Variants in JAKMIP2 observed in about 807,000 individuals in gnomAD.
The protein encoded by JAKMIP2 is janus kinase and microtubule-interacting protein 2.
JAKMIP2 carries 25 observed loss-of-function variants against 115.0 expected under a neutral mutation model. The ratio of observed to expected loss-of-function variants is 0.22; its 90% CI spans 0.16 to 0.30. JAKMIP2 has a LOEUF of 0.30. JAKMIP2 is among the 10% of genes least tolerant of loss of function. The pLI is 1.00. For missense variants in JAKMIP2, 642 were observed against 957.6 expected (o/e 0.67, Z 4.35); for synonymous variants, 334 against 343.6 (o/e 0.97, Z 0.31).
intron 1 of JAKMIP2, among the ~76,000 whole-genome samples, chr5:147,696,230 C>G (rs554886272): frequency 8.7e-4 from 132 of 152,080 alleles, no homozygotes; most frequent in African/African-American, 3.1e-3. Context: ...TGGCTGTGTC[C>G]CCAGCCAAAA....
At chr5:147,645,374 A>G (rs1044069767) in intron 5 of JAKMIP2, among the ~76,000 whole-genome samples, 2 of 152,144 alleles carry the variant, frequency 1.3e-5, no homozygotes, top group African/African-American at 4.8e-5. Context: ...GCTCAGAGAT[A>G]AAGGAGCTCA....
chr5:147,650,095 G>C (rs1463994201), intron 4 of JAKMIP2, among the ~76,000 whole-genome samples: 1 of 152,094 alleles, frequency 6.6e-6, no homozygotes, highest in Non-Finnish European at 1.5e-5. Flanking sequence ...GTATTGCCTG[G>C]CTAGAAAAAT....
At chr5:147,771,226 T>A (rs1352067487) in intron 1 of JAKMIP2, among the ~76,000 whole-genome samples, 1 of 152,122 alleles carries the variant, frequency 6.6e-6, no homozygotes, top group Admixed American at 6.6e-5. Flanking sequence ...AAGGTCAGAA[T>A]CTCGTTCCAT....
At chr5:147,706,723 A>AT (rs1157687103) in intron 1 of JAKMIP2, among the ~76,000 whole-genome samples, 1 of 152,186 alleles carries the variant, frequency 6.6e-6, no homozygotes, top group East Asian at 1.9e-4. Flanking sequence ...CATGCTCTTC[A>AT]GAGCATTTTG....
chr5:147,586,925 C>T lies in JAKMIP2; in HGVS notation c.*4782G>A, dbSNP rs1407590200. 1.3e-5 allele frequency: 2 copies of T among 152,044 alleles called. No individual in the cohort carries two copies. The highest frequency in any genetic ancestry group is 4.8e-5 in the African/African-American group (2 of 41,386). The allele number at this position is 152,044 out of a possible 1,614,324, so 9.4% of individuals were successfully genotyped here. The stretch of plus-strand genomic sequence containing the variant: ...CAGCAAGAGATTTATTTAGGAAGAA[C>T]TAAACCGCCAAACTAATGACAGCAA... On this transcript the variant is annotated 3_prime_UTR_variant, in exon 22 of 22. Transcript: ENST00000616793.
chr5:147,699,061 C>A (rs966633818), intron 1 of JAKMIP2, among the ~76,000 whole-genome samples: 3 of 152,160 alleles, frequency 2.0e-5, no homozygotes, highest in African/African-American at 7.2e-5. Context: ...GCTCTTCTAT[C>A]CCCCAGGCCT....
chr5:147,695,306 C>T (rs923877819), intron 1 of JAKMIP2, among the ~76,000 whole-genome samples: 16 of 152,124 alleles, frequency 1.1e-4, no homozygotes, highest in South Asian at 2.1e-4. Context: ...ACCAATTGCC[C>T]GGCTTCCTTC....
intron 1 of JAKMIP2, among the ~76,000 whole-genome samples, chr5:147,777,764 C>T (rs1755614918): frequency 6.6e-6 from 1 of 152,076 alleles, no homozygotes; most frequent in Non-Finnish European, 1.5e-5. Flanking sequence ...ATGTAGAATA[C>T]AGTTCAGACG....
intron 20 of JAKMIP2, among the ~76,000 whole-genome samples, chr5:147,603,029 G>C (rs1004013426): frequency 6.6e-6 from 1 of 152,110 alleles, no homozygotes; most frequent in Non-Finnish European, 1.5e-5. Context: ...GAGAGTAATG[G>C]ACGAATTCCC....
chr5:147,755,399 G>A (rs565029039), intron 1 of JAKMIP2, among the ~76,000 whole-genome samples: 7 of 152,202 alleles, frequency 4.6e-5, no homozygotes, highest in South Asian at 4.1e-4. Context: ...TACTTTGGGC[G>A]CACTTCATCA....
At chr5:147,649,703 A>C (rs976681507) in intron 4 of JAKMIP2, among the ~76,000 whole-genome samples, 2 of 152,072 alleles carry the variant, frequency 1.3e-5, no homozygotes, top group African/African-American at 2.4e-5. Flanking sequence ...CTTAGTTCTA[A>C]GTAGTACTTT....
In JAKMIP2 at chr5:147,661,293, C is replaced by T. The variant is rs1255159272; in HGVS notation, c.282G>A (p.Lys94=). 1 of 1,613,832 alleles carries T rather than the reference C, an allele frequency of 6.2e-7. No individual in the cohort carries two copies. Among genetic ancestry groups the T allele is most frequent in the African/African-American group, 1.3e-5 (1 of 74,848 alleles). The change falls in exon 3 of 22, where the codon AAG becomes AAA. Residue 94 remains lysine (K), a synonymous_variant. Transcript: ENST00000616793. Reference sequence around the variant, plus strand: ...TCCTTGACATTTCCTGCTCGTGCTGCTTGATAAGGTTCTCCCTCACAGCCT... The same window carrying T: ...TCCTTGACATTTCCTGCTCGTGCTGTTTGATAAGGTTCTCCCTCACAGCCT... ...ELQAVRENLI[K]QHEQEMSRTV...
chr5:147,708,930 C>G (rs1378032162), intron 1 of JAKMIP2, among the ~76,000 whole-genome samples: 1 of 152,192 alleles, frequency 6.6e-6, no homozygotes, highest in Non-Finnish European at 1.5e-5. Flanking sequence ...TTTAGAGATG[C>G]AGTGACTCTC....
chr5:147,743,887 A>C (rs1754240947), intron 1 of JAKMIP2, among the ~76,000 whole-genome samples: 1 of 152,116 alleles, frequency 6.6e-6, no homozygotes, highest in African/African-American at 2.4e-5. Context: ...TTCCAAGGCT[A>C]ATCAGAAGGC....
At chr5:147,668,875 T>C (rs538745397) in intron 2 of JAKMIP2, among the ~76,000 whole-genome samples, 1 of 152,178 alleles carries the variant, frequency 6.6e-6, no homozygotes, top group African/African-American at 2.4e-5. Flanking sequence ...TATCAGCCCA[T>C]GACAGATAGT....
At position 147,632,688 on chromosome 5, in the gene JAKMIP2, C is replaced by T; in HGVS notation, c.1768G>A (p.Glu590Lys). 6.3e-7 allele frequency: 1 copy of T among 1,595,122 alleles called. No homozygotes were observed. Among genetic ancestry groups the T allele is most frequent in the Non-Finnish European group, 8.6e-7 (1 of 1,164,072 alleles). ...CATCATCATTTCCTTACTTCTAGCT[C>T]TAGGTTTCGAAACTCCAGCAGCTCA... ...QNELLEFRNL[E>K]LEERERRSPP... is the part of the protein sequence containing the mutation. Residue 590 changes from glutamate to lysine, a missense_variant, in exon 13 of 22, where the codon GAG (glutamate) becomes AAG (lysine). Glu to Lys is a moderately conservative substitution (Grantham distance 56). Transcript: ENST00000616793.
chr5:147,697,072 G>T (rs1342114363), intron 1 of JAKMIP2, among the ~76,000 whole-genome samples: 1 of 152,134 alleles, frequency 6.6e-6, no homozygotes, highest in Non-Finnish European at 1.5e-5. Flanking sequence ...GTAGAAATTT[G>T]CATAAGTAAC....
At chr5:147,749,512 G>C (rs954082082) in intron 1 of JAKMIP2, among the ~76,000 whole-genome samples, 3 of 152,120 alleles carry the variant, frequency 2.0e-5, no homozygotes, top group Non-Finnish European at 4.4e-5. Flanking sequence ...TTTTCTTCCA[G>C]TTCTCTTAGT....
Position 147,672,223 on chromosome 5 carries a change from T to G in JAKMIP2, c.-148-269A>C, listed in dbSNP as rs930609322. Among the ~76,000 whole-genome samples the G allele has an allele frequency of 2.6e-5, 4 of 152,206 alleles. No individual in the cohort carries two copies. The South Asian group carries it at 8.3e-4, about 32-fold the overall frequency. On this transcript the variant is annotated intron_variant, in intron 1 of 21. Transcript: ENST00000616793. ...CATGTCTTGGAGTGTTCTTTTTACC[T>G]GAAACTGCTCGCTCTTCTATCCTCA...
Sources: gnomAD v4.1 joint callset for allele counts (sites outside exome capture counted in the v4.1 genomes callset) on GRCh38, gnomAD v4.1.1 for gene constraint, MANE v1.5 for transcripts, NCBI Gene and HGNC (gene_info 2026-07-23, HGNC 2026-07-21) for gene names.